Variants in MDGA2 observed in about 807,000 individuals in gnomAD.
MDGA2 encodes the protein MAM domain containing glycosylphosphatidylinositol anchor 2.
In MDGA2, 40 loss-of-function variants were observed where a neutral mutation model predicts 117.8. The observed-to-expected ratio is 0.34, with a 90% CI of 0.26 to 0.44. The LOEUF (loss-of-function observed/expected upper bound fraction) is 0.44, where lower values mean the gene tolerates loss of function less well. MDGA2 is among the 20% of genes least tolerant of loss of function. The pLI is 1.00. For missense variants in MDGA2, 1,123 were observed against 1,250.6 expected (o/e 0.90, Z 1.54); for synonymous variants, 452 against 439.0 (o/e 1.03, Z -0.37).
At chr14:47,279,784 T>TAAA (rs908601807) in intron 2 of MDGA2, among the ~76,000 whole-genome samples, 3 of 152,090 alleles carry the variant, frequency 2.0e-5, no homozygotes, top group Non-Finnish European at 4.4e-5. Context: ...TTTTCTTTTT[T>TAAA]AAAAAATTCA....
chr14:47,485,830 C>CA (rs1894049332), intron 1 of MDGA2, among the ~76,000 whole-genome samples: 1 of 152,094 alleles, frequency 6.6e-6, no homozygotes, highest in African/African-American at 2.4e-5. Flanking sequence ...ACACAGAAGT[C>CA]AAAAATTTGG....
At chr14:47,097,202 T>TCA in intron 5 of MDGA2, 79 bp from the exon 6 acceptor site, 3 of 1,467,506 alleles carry the variant, frequency 2.0e-6, no homozygotes, top group Non-Finnish European at 2.8e-6. Flanking sequence ...TTATATTGGT[T>TCA]CATTCAAAAA....
chr14:47,630,634 A>C (rs945451666), intron 1 of MDGA2, among the ~76,000 whole-genome samples: 16 of 152,210 alleles, frequency 1.1e-4, no homozygotes, highest in African/African-American at 3.9e-4. Flanking sequence ...AAAATAAGCC[A>C]TATGCAGCTA....
chr14:46,913,446 A>G (rs1883781897), intron 10 of MDGA2, among the ~76,000 whole-genome samples: 1 of 151,994 alleles, frequency 6.6e-6, no homozygotes, highest in African/African-American at 2.4e-5. Context: ...GGCTAAGTCA[A>G]GCACAAAACA....
chr14:46,908,440 AG>A lies in MDGA2; in HGVS notation c.2238+11571del, dbSNP rs568147624. Among the ~76,000 whole-genome samples the A allele has an allele frequency of 2.1e-3, 324 of 152,296 alleles. 2 individuals carry two copies. The highest frequency in any genetic ancestry group is 2.7e-3 in the Non-Finnish European group (187 of 68,022). ...ATAGAAAATTTAAAATAATTATTTA[AG>A]TAAGCATGAAAATGTAGTATTGATT... On this transcript the variant is annotated intron_variant, in intron 10 of 16. Transcript: ENST00000399232.
At chr14:47,126,577 T>C (rs1483960319) in intron 5 of MDGA2, among the ~76,000 whole-genome samples, 2 of 152,090 alleles carry the variant, frequency 1.3e-5, no homozygotes, top group African/African-American at 4.8e-5. Flanking sequence ...ACCACATCAC[T>C]GGAATTCTAC....
chr14:47,581,745 A>G (rs1334233514), intron 1 of MDGA2, among the ~76,000 whole-genome samples: 1 of 151,936 alleles, frequency 6.6e-6, no homozygotes, highest in Non-Finnish European at 1.5e-5. Context: ...CCCAAAATGA[A>G]AACACAGGCG....
At chr14:47,345,952 G>A (rs80233538) in intron 1 of MDGA2, among the ~76,000 whole-genome samples, 2 of 152,070 alleles carry the variant, frequency 1.3e-5, no homozygotes, top group East Asian at 3.9e-4. Flanking sequence ...GGGAAGGGAG[G>A]AATGCAGAGA....
intron 1 of MDGA2, among the ~76,000 whole-genome samples, chr14:47,420,740 A>G (rs1892561054): frequency 1.3e-5 from 2 of 152,068 alleles, no homozygotes; most frequent in Non-Finnish European, 2.9e-5. Context: ...TGTTAAAATC[A>G]GACACTAAGT....
In MDGA2 at chr14:47,144,246, A is replaced by T; in HGVS notation, c.624T>A (p.His208Gln). 6.4e-7 allele frequency: 1 copy of T among 1,551,006 alleles called. No homozygotes were observed. Among genetic ancestry groups the T allele is most frequent in the Non-Finnish European group, 8.7e-7 (1 of 1,146,576 alleles). ...GTTCTTTAGCTTCACCTATACTTTG[A>T]TGAACAGTTACTACTGGATCATCCA... Reference protein sequence around the residue: ...YYLDDPVVTVHQSIGEAKEQF... With the variant: ...YYLDDPVVTVQQSIGEAKEQF... Residue 208 changes from histidine (H) to glutamine (Q), a missense_variant, in exon 4 of 17, where the codon CAT becomes CAA. This residue lies in a region of MDGA2 where 890 missense variants were observed against 1,050.3 expected (regional missense o/e 0.85). Coordinates refer to ENST00000399232, the MANE Select transcript of MDGA2 (RefSeq NM_001113498.3).
chr14:46,989,332 A>AAAG (rs371824319), intron 8 of MDGA2, among the ~76,000 whole-genome samples: 2 of 151,278 alleles, frequency 1.3e-5, no homozygotes, highest in Non-Finnish European at 2.9e-5. Flanking sequence ...GAAAAAAAAA[A>AAAG]GGGGGGTATC....
chr14:47,154,192 G>A (rs1883275045), intron 3 of MDGA2, among the ~76,000 whole-genome samples: 1 of 152,126 alleles, frequency 6.6e-6, no homozygotes, highest in African/African-American at 2.4e-5. Context: ...AAATTCCTAG[G>A]ATAAAATAAA....
intron 10 of MDGA2, among the ~76,000 whole-genome samples, chr14:46,899,579 G>T (rs1883207083): frequency 2.0e-5 from 3 of 150,910 alleles, no homozygotes. Context: ...TCACAGAAAA[G>T]CTCAACCATG....
At chr14:47,197,614 GA>G (rs1201276194) in intron 3 of MDGA2, among the ~76,000 whole-genome samples, 1 of 152,166 alleles carries the variant, frequency 6.6e-6, no homozygotes, top group Non-Finnish European at 1.5e-5. Context: ...AACAAGATTA[GA>G]AAAAAGTACT....
chr14:46,895,529 C>A (rs1322675531), intron 10 of MDGA2, among the ~76,000 whole-genome samples: 1 of 152,040 alleles, frequency 6.6e-6, no homozygotes, highest in East Asian at 1.9e-4. Flanking sequence ...AGTTCAAGAC[C>A]ACCCTGGTCA....
At chr14:47,276,588 T>C (rs1189849315) in intron 2 of MDGA2, among the ~76,000 whole-genome samples, 1 of 151,864 alleles carries the variant, frequency 6.6e-6, no homozygotes, top group Non-Finnish European at 1.5e-5. Flanking sequence ...CCATTTTGTC[T>C]CCAATGGAAG....
chr14:47,217,884 A>T, intron 3 of MDGA2, 137 bp downstream of exon 3: 1 of 606,286 alleles, frequency 1.6e-6, no homozygotes, highest in Non-Finnish European at 2.6e-6. Context: ...GGAACGTTTT[A>T]AGGGAGCTAT....
intron 3 of MDGA2, among the ~76,000 whole-genome samples, chr14:47,205,585 T>C (rs1885654746): frequency 6.6e-6 from 1 of 151,914 alleles, no homozygotes; most frequent in Non-Finnish European, 1.5e-5. Context: ...TGAAATATCC[T>C]TTCAATAGAA....
intron 1 of MDGA2, among the ~76,000 whole-genome samples, chr14:47,314,625 C>CTA (rs1889748946): frequency 6.6e-6 from 1 of 151,646 alleles, no homozygotes; most frequent in South Asian, 2.1e-4. Context: ...CAGCAGTGAG[C>CTA]TATAATTGCA....
Sources: gnomAD v4.1 joint callset for allele counts (sites outside exome capture counted in the v4.1 genomes callset) on GRCh38, gnomAD v4.1.1 for gene constraint, gnomAD v4.1.1 regional missense constraint, MANE v1.5 for transcripts, NCBI Gene and HGNC (gene_info 2026-07-23, HGNC 2026-07-21) for gene names.